Variants in KCNN2 observed in about 807,000 individuals in gnomAD.
KCNN2 encodes the protein potassium calcium-activated channel subfamily N member 2.
KCNN2 carries 24 observed loss-of-function variants against 55.5 expected under a neutral mutation model. The ratio of observed to expected loss-of-function variants is 0.43; its 90% CI spans 0.31 to 0.61. The LOEUF is 0.61. Ranked by LOEUF, KCNN2 falls within the 20% of genes least tolerant of loss-of-function variation. The pLI is 0.08. For synonymous variants in KCNN2, 431 were observed against 336.1 expected (o/e 1.28, Z -3.09); for missense variants, 754 against 853.6 (o/e 0.88, Z 1.45).
intron 2 of KCNN2, among the ~76,000 whole-genome samples, chr5:114,292,857 TTTAA>T (rs1755924942): frequency 6.6e-6 from 1 of 152,218 alleles, no homozygotes; most frequent in Admixed American, 6.5e-5. Flanking sequence ...TGTATCCTCT[TTTAA>T]TTCATTGAGC....
chr5:114,473,247 C>A, intron 5 of KCNN2, 83 bp downstream of exon 5: 1 of 885,744 alleles, frequency 1.1e-6, no homozygotes, highest in Non-Finnish European at 1.8e-6. Flanking sequence ...ATTTTGACAT[C>A]CGAAGCTGAA....
At chr5:114,219,204 C>G (rs1189711553) in intron 1 of KCNN2, among the ~76,000 whole-genome samples, 2 of 152,214 alleles carry the variant, frequency 1.3e-5, no homozygotes, top group East Asian at 3.9e-4. Flanking sequence ...TATTTTAGCT[C>G]TGCCATCCAT....
intron 1 of KCNN2, among the ~76,000 whole-genome samples, chr5:114,069,687 C>T (rs758168533): frequency 3.9e-5 from 6 of 152,184 alleles, no homozygotes; most frequent in Non-Finnish European, 8.8e-5. Flanking sequence ...TATGATTTTC[C>T]AGTCCTGCCT....
chr5:114,081,684 A>G (rs1292646614), intron 1 of KCNN2, among the ~76,000 whole-genome samples: 1 of 152,218 alleles, frequency 6.6e-6, no homozygotes, highest in African/African-American at 2.4e-5. Flanking sequence ...AAAACATTGC[A>G]AAAGCTTCAC....
chr5:114,141,398 T>C (rs1161892927), intron 1 of KCNN2, among the ~76,000 whole-genome samples: 1 of 152,084 alleles, frequency 6.6e-6, no homozygotes, highest in Non-Finnish European at 1.5e-5. Context: ...TTTTTGTCCT[T>C]GTGATAGTTT....
At chr5:114,281,621 A>C (rs1168687624) in intron 2 of KCNN2, among the ~76,000 whole-genome samples, 5 of 94,264 alleles carry the variant, frequency 5.3e-5, no homozygotes, top group African/African-American at 1.1e-4. Flanking sequence ...CCGCCCCTCC[A>C]TCTCTGTGTG....
At chr5:114,472,978 C>G in intron 4 of KCNN2, 76 bp from the exon 5 acceptor site, 1 of 805,614 alleles carries the variant, frequency 1.2e-6, no homozygotes, top group Non-Finnish European at 1.9e-6. Context: ...GCATTTGATG[C>G]AAAACATTTT....
At chr5:114,126,790 T>A (rs1371483264) in intron 1 of KCNN2, among the ~76,000 whole-genome samples, 1 of 152,128 alleles carries the variant, frequency 6.6e-6, no homozygotes, top group Non-Finnish European at 1.5e-5. Flanking sequence ...CCCTTCCACC[T>A]ATGAGCCTGT....
rs140215297 is a variant in KCNN2 at position 114,452,788 on chromosome 5, C to T, written c.1638-10261C>T. 5.5e-3 allele frequency among the ~76,000 whole-genome samples: 836 copies of T among 152,298 alleles called. 7 individuals carry two copies. Among genetic ancestry groups the T allele is most frequent in the Non-Finnish European group, 9.1e-3 (618 of 68,020 alleles). Reference sequence around the variant, plus strand: ...GTGAATAGCTACGTGTGAATATCAGCAACAAGTAAGAGACACGTTAGCTCT... The same window carrying T: ...GTGAATAGCTACGTGTGAATATCAGTAACAAGTAAGAGACACGTTAGCTCT... On this transcript the variant is annotated intron_variant, in intron 3 of 7. Transcript: ENST00000673685.
intron 3 of KCNN2, among the ~76,000 whole-genome samples, chr5:114,455,069 T>A (rs182473201): frequency 1.0e-3 from 158 of 152,334 alleles, no homozygotes; most frequent in Non-Finnish European, 1.3e-3. Flanking sequence ...TATCAGCTAT[T>A]CTTTTTCAAT....
chr5:114,198,368 A>G (rs937139832), intron 1 of KCNN2, among the ~76,000 whole-genome samples: 4 of 148,516 alleles, frequency 2.7e-5, no homozygotes, highest in Non-Finnish European at 4.4e-5. Flanking sequence ...AGGTGTGTAT[A>G]TATACATATA....
At chr5:114,169,686 C>T (rs1752991924) in intron 1 of KCNN2, among the ~76,000 whole-genome samples, 1 of 152,036 alleles carries the variant, frequency 6.6e-6, no homozygotes, top group African/African-American at 2.4e-5. Flanking sequence ...GTTTCATGTG[C>T]ACCCCTTTTG....
intron 2 of KCNN2, among the ~76,000 whole-genome samples, chr5:114,339,969 C>A (rs578255761): frequency 2.0e-5 from 3 of 152,262 alleles, no homozygotes; most frequent in African/African-American, 7.2e-5. Flanking sequence ...ATTTCTCACT[C>A]ATCCTGCCAC....
chr5:114,309,324 C>A (rs1043484313), intron 2 of KCNN2, among the ~76,000 whole-genome samples: 3 of 152,146 alleles, frequency 2.0e-5, no homozygotes, highest in Non-Finnish European at 2.9e-5. Flanking sequence ...AAGGCCAATT[C>A]CAGCATTCAG....
chr5:114,344,185 A>G (rs1431241082), intron 2 of KCNN2, among the ~76,000 whole-genome samples: 7 of 152,162 alleles, frequency 4.6e-5, no homozygotes, highest in Non-Finnish European at 1.0e-4. Context: ...CACCAACTGC[A>G]AGGAGTTTGG....
At chr5:114,461,031 T>A (rs745897831) in intron 3 of KCNN2, among the ~76,000 whole-genome samples, 5 of 152,176 alleles carry the variant, frequency 3.3e-5, no homozygotes, top group African/African-American at 4.8e-5. Context: ...ATATTATTAA[T>A]AGATTATAAT....
intron 3 of KCNN2, among the ~76,000 whole-genome samples, chr5:114,459,861 T>C (rs12516617): frequency 0.38 from 58,208 of 152,054 alleles, 12,653 homozygotes; most frequent in Non-Finnish European, 0.48. Flanking sequence ...TAAATATTAA[T>C]TGAGTGATTT....
intron 1 of KCNN2, among the ~76,000 whole-genome samples, chr5:114,086,938 G>A (rs1356362604): frequency 2.6e-5 from 4 of 151,992 alleles, no homozygotes; most frequent in African/African-American, 7.2e-5. Flanking sequence ...AGCCTCACCA[G>A]TATCTTTTGT....
At chr5:114,338,452 G>A (rs1756960599) in intron 2 of KCNN2, among the ~76,000 whole-genome samples, 1 of 152,128 alleles carries the variant, frequency 6.6e-6, no homozygotes, top group Admixed American at 6.5e-5. Context: ...CCAAATATAG[G>A]TCATTCTCGT....
Sources: gnomAD v4.1 joint callset for allele counts (sites outside exome capture counted in the v4.1 genomes callset) on GRCh38, gnomAD v4.1.1 for gene constraint, MANE v1.5 for transcripts, NCBI Gene and HGNC (gene_info 2026-07-23, HGNC 2026-07-21) for gene names.